Variants in CSNK1G1 observed in about 807,000 individuals in gnomAD.
The protein encoded by CSNK1G1 is casein kinase 1 gamma 1.
A neutral mutation model predicts 59.6 loss-of-function variants in CSNK1G1; 22 were observed. The observed-to-expected ratio is 0.37, with a 90% CI of 0.26 to 0.53. The LOEUF (loss-of-function observed/expected upper bound fraction) is 0.53. Among genes scored for constraint, CSNK1G1 ranks in the 20% least tolerant of loss-of-function variants. The pLI, the probability that CSNK1G1 is intolerant of heterozygous loss-of-function variation, is 0.89. For missense variants in CSNK1G1, 384 were observed against 519.5 expected, an observed-to-expected ratio of 0.74 and a Z score of 2.54; for synonymous variants, 179 against 177.1, an observed-to-expected ratio of 1.01 and a Z score of -0.08.
chr15:64,243,648 C>T (rs908581212), intron 4 of CSNK1G1, among the ~76,000 whole-genome samples: 2 of 152,066 alleles, frequency 1.3e-5, no homozygotes, highest in Non-Finnish European at 2.9e-5. Context: ...TGTGGAAAAT[C>T]CTAAAACTGC....
rs183635600 is a variant in CSNK1G1, at chr15:64,296,335, G to T, written c.181+3984C>A. ...GAGGTTTTGCCACGTTGCTCATGTT[G>T]GTATTGAAATCCTAAGCTCAAGTCA... On this transcript the variant is annotated intron_variant, in intron 2 of 11. Transcript: ENST00000303052. 1.2e-3 allele frequency among the ~76,000 whole-genome samples: 185 copies of T among 152,140 alleles called. 1 individual carries two copies. Among genetic ancestry groups the T allele is most frequent in the Admixed American group, 0.011 (164 of 15,278 alleles).
At chr15:64,342,593 A>T (rs1897734553) in intron 1 of CSNK1G1, 1 of 152,202 alleles carries the variant, frequency 6.6e-6, no homozygotes, top group Admixed American at 6.5e-5. Context: ...AGAACCTTTA[A>T]TGTGGTGATG....
At chr15:64,303,291 A>C (rs1436966447) in intron 1 of CSNK1G1, among the ~76,000 whole-genome samples, 2 of 53,048 alleles carry the variant, frequency 3.8e-5, no homozygotes, top group Non-Finnish European at 1.1e-4. Flanking sequence ...AAATATTAAA[A>C]ATTAAATTAA....
chr15:64,293,599 T>C (rs1187603165), intron 2 of CSNK1G1, among the ~76,000 whole-genome samples: 1 of 152,166 alleles, frequency 6.6e-6, no homozygotes, highest in Non-Finnish European at 1.5e-5. Flanking sequence ...GGATGTAGTC[T>C]AAGAAATTAA....
At chr15:64,348,470 T>A (rs1389990686) in intron 1 of CSNK1G1, 1 of 151,866 alleles carries the variant, frequency 6.6e-6, no homozygotes, top group Non-Finnish European at 1.5e-5. Context: ...AATCTAAAAG[T>A]ATTCAAAAAA....
intron 10 of CSNK1G1, among the ~76,000 whole-genome samples, chr15:64,202,699 C>T (rs1314672390): frequency 2.0e-5 from 3 of 152,092 alleles, no homozygotes; most frequent in African/African-American, 7.2e-5. Flanking sequence ...ACTATAGGCA[C>T]GTGCCACCAT....
chr15:64,278,159 A>G (rs1045230244), intron 2 of CSNK1G1, among the ~76,000 whole-genome samples: 2 of 150,260 alleles, frequency 1.3e-5, no homozygotes, highest in East Asian at 2.0e-4. Context: ...CAATTCTCCC[A>G]CCTCGGCCTC....
intron 3 of CSNK1G1, among the ~76,000 whole-genome samples, chr15:64,253,186 A>C (rs1164487026): frequency 6.6e-6 from 1 of 152,052 alleles, no homozygotes; most frequent in Non-Finnish European, 1.5e-5. Context: ...CTCTACCAAA[A>C]ATTAAAAAAT....
intron 10 of CSNK1G1, among the ~76,000 whole-genome samples, chr15:64,189,731 C>T (rs1404471039): frequency 6.6e-6 from 1 of 151,264 alleles, no homozygotes; most frequent in Non-Finnish European, 1.5e-5. Context: ...ATCTCATTGA[C>T]AAGAGTTGCT....
chr15:64,296,937 CTTTTTTTTTTTTTT>C (rs960068624), intron 2 of CSNK1G1, among the ~76,000 whole-genome samples: 1 of 89,670 alleles, frequency 1.1e-5, no homozygotes, highest in Non-Finnish European at 2.1e-5. Flanking sequence ...ACTATCGTTA[CTTTTTTTTTTTTTT>C]TTTTTTTTTT....
At position 64,177,892 on chromosome 15, in the gene CSNK1G1, C is replaced by A. The variant is rs143914815; in HGVS notation, c.1214+2456G>T. Among the ~76,000 whole-genome samples, 7 of 152,334 alleles carry A rather than the reference C, an allele frequency of 4.6e-5. No individual in the cohort carries two copies. The East Asian group carries it at 1.3e-3, about 29-fold the overall frequency. On this transcript the variant is annotated intron_variant, in intron 11 of 11. Transcript: ENST00000303052. Reference sequence around the variant, plus strand: ...ATTAAATCCAAAGCTAAACTTCTAGCCTTCAAAGTAATAGCCACAAAGGTG... The same window carrying A: ...ATTAAATCCAAAGCTAAACTTCTAGACTTCAAAGTAATAGCCACAAAGGTG...
chr15:64,275,087 G>C (rs1028044653), intron 2 of CSNK1G1, among the ~76,000 whole-genome samples: 20 of 152,310 alleles, frequency 1.3e-4, no homozygotes, highest in African/African-American at 4.8e-4. Flanking sequence ...ATGTTGCCCA[G>C]GCTGGAGTGC....
At position 64,171,998 on chromosome 15, in the gene CSNK1G1, G is replaced by T. The variant is rs1445957982; in HGVS notation, c.1215-13C>A. The stretch of plus-strand genomic sequence containing the variant: ...GAAACAGCAGCACCTGGAGCACAAG[G>T]AACATTGCAAGTCAGTGCGGGAGGC... On this transcript the variant is annotated splice_polypyrimidine_tract_variant and intron_variant, in intron 11 of 11. Transcript: ENST00000303052. The surrounding 1 kb of genome is among the most constrained non-coding windows in gnomAD (Gnocchi z 4.8). 16 of 1,613,186 alleles carry T rather than the reference G, an allele frequency of 9.9e-6. No homozygotes were observed. Among genetic ancestry groups the T allele is most frequent in the Non-Finnish European group, 1.4e-5 (16 of 1,179,558 alleles).
chr15:64,208,456 C>G (rs1419772839), intron 6 of CSNK1G1, among the ~76,000 whole-genome samples: 4 of 152,178 alleles, frequency 2.6e-5, no homozygotes, highest in Admixed American at 2.6e-4. Context: ...AAATAGTTAA[C>G]AAAAAACTGC....
intron 2 of CSNK1G1, among the ~76,000 whole-genome samples, chr15:64,277,029 C>T (rs942399184): frequency 2.6e-5 from 4 of 151,744 alleles, no homozygotes; most frequent in Admixed American, 1.3e-4. Context: ...CAATCAATTC[C>T]GGAAGAACTA....
At chr15:64,334,483 T>C (rs1055893977) in intron 1 of CSNK1G1, among the ~76,000 whole-genome samples, 60 of 152,200 alleles carry the variant, frequency 3.9e-4, no homozygotes, top group African/African-American at 1.4e-3. Flanking sequence ...TATTACATTG[T>C]ACTATGCAAT....
At chr15:64,192,947 C>T (rs192110661) in intron 10 of CSNK1G1, among the ~76,000 whole-genome samples, 1 of 145,686 alleles carries the variant, frequency 6.9e-6, no homozygotes, top group African/African-American at 2.5e-5. Flanking sequence ...ACAACTTTAT[C>T]TACTTCACTT....
intron 1 of CSNK1G1, among the ~76,000 whole-genome samples, chr15:64,315,247 GC>G (rs751536806): frequency 2.2e-4 from 34 of 152,320 alleles, no homozygotes; most frequent in Non-Finnish European, 7.3e-5. Flanking sequence ...CTTGTCAAGA[GC>G]TAGGGAACAC....
intron 1 of CSNK1G1, among the ~76,000 whole-genome samples, chr15:64,302,736 G>A (rs1895429869): frequency 1.3e-5 from 2 of 152,150 alleles, no homozygotes; most frequent in South Asian, 2.1e-4. Flanking sequence ...TCCATTATAA[G>A]TTAATATGAG....
Sources: gnomAD v4.1 joint callset for allele counts (sites outside exome capture counted in the v4.1 genomes callset) on GRCh38, gnomAD v4.1.1 for gene constraint, Gnocchi (gnomAD v3.1) non-coding constraint, MANE v1.5 for transcripts, NCBI Gene and HGNC (gene_info 2026-07-23, HGNC 2026-07-21) for gene names.